Variants in SDK1 observed in about 807,000 individuals in gnomAD.
SDK1 encodes protein sidekick-1.
A neutral mutation model predicts 245.5 loss-of-function variants in SDK1; 157 were observed. The ratio of observed to expected loss-of-function variants is 0.64; its 90% CI spans 0.56 to 0.73. The LOEUF (loss-of-function observed/expected upper bound fraction) is 0.73. SDK1 is among the 30% of genes least tolerant of loss of function. The probability of loss-of-function intolerance (pLI) is 0.00; values close to 1 mark genes in which losing one functional copy is unlikely to be tolerated. For missense variants in SDK1, 3,583 were observed against 3,002.3 expected (o/e 1.19, Z -4.52); for synonymous variants, 1,647 against 1,278.5 (o/e 1.29, Z -6.15).
chr7:3,658,478 A>G (rs1010569022), intron 4 of SDK1, among the ~76,000 whole-genome samples: 8 of 151,706 alleles, frequency 5.3e-5, no homozygotes, highest in African/African-American at 1.9e-4. Context: ...CATCTCATGT[A>G]GTCTTTAAGG....
intron 5 of SDK1, among the ~76,000 whole-genome samples, chr7:3,863,686 T>C (rs1056658349): frequency 1.3e-5 from 2 of 152,218 alleles, no homozygotes; most frequent in East Asian, 1.9e-4. Flanking sequence ...AATGATACAG[T>C]ATGAGTCCTT....
At chr7:3,522,626 T>A (rs1281886202) in intron 1 of SDK1, among the ~76,000 whole-genome samples, 1 of 152,124 alleles carries the variant, frequency 6.6e-6, no homozygotes, top group Non-Finnish European at 1.5e-5. Context: ...CCACCTGGGC[T>A]GACCTTTGAA....
intron 1 of SDK1, among the ~76,000 whole-genome samples, chr7:3,307,548 C>T (rs949240054): frequency 6.6e-6 from 1 of 152,078 alleles, no homozygotes; most frequent in African/African-American, 2.4e-5. Flanking sequence ...CTGTAGGGAA[C>T]CCTTGTTTAT....
chr7:3,557,405 G>C (rs928023078), intron 1 of SDK1, among the ~76,000 whole-genome samples: 1 of 152,152 alleles, frequency 6.6e-6, no homozygotes, highest in Non-Finnish European at 1.5e-5. Context: ...AATCTGAAGA[G>C]TCCTGTAACC....
intron 1 of SDK1, among the ~76,000 whole-genome samples, chr7:3,494,511 GAAAT>G (rs1205694281): frequency 3.3e-5 from 5 of 152,156 alleles, no homozygotes; most frequent in African/African-American, 4.8e-5. Flanking sequence ...CATTTTCTGA[GAAAT>G]AGATATGGGG....
At chr7:3,922,645 T>C (rs1435165801) in intron 5 of SDK1, among the ~76,000 whole-genome samples, 2 of 152,242 alleles carry the variant, frequency 1.3e-5, no homozygotes, top group African/African-American at 4.8e-5. Flanking sequence ...TTCATTTCTT[T>C]TCTTTAGATT....
chr7:4,187,121 G>A (rs185847151), intron 35 of SDK1, among the ~76,000 whole-genome samples: 2 of 152,298 alleles, frequency 1.3e-5, no homozygotes, highest in African/African-American at 2.4e-5. Flanking sequence ...GGGACTGTGA[G>A]AGAGGACAGG....
At chr7:4,210,896 T>A (rs1418284577) in intron 38 of SDK1, among the ~76,000 whole-genome samples, 1 of 152,066 alleles carries the variant, frequency 6.6e-6, no homozygotes, top group Non-Finnish European at 1.5e-5. Context: ...ACAAGAGGCT[T>A]AGGGAAGAGA....
intron 17 of SDK1, among the ~76,000 whole-genome samples, chr7:4,042,261 C>G (rs1417262262): frequency 7.3e-6 from 1 of 136,326 alleles, no homozygotes; most frequent in Non-Finnish European, 1.5e-5. Flanking sequence ...CATCCACTCC[C>G]AGAAATCCTC....
intron 1 of SDK1, among the ~76,000 whole-genome samples, chr7:3,556,192 A>G (rs1352444534): frequency 6.6e-6 from 1 of 151,068 alleles, no homozygotes; most frequent in Non-Finnish European, 1.5e-5. Context: ...ATGAATGGAT[A>G]AAGAAAATGT....
chr7:3,912,643 T>A (rs1355543832), intron 5 of SDK1, among the ~76,000 whole-genome samples: 1 of 152,200 alleles, frequency 6.6e-6, no homozygotes, highest in Non-Finnish European at 1.5e-5. Flanking sequence ...GGCACCCGCT[T>A]CTGGGCTCTC....
chr7:3,635,127 G>T (rs949183479), intron 2 of SDK1, among the ~76,000 whole-genome samples: 3 of 152,058 alleles, frequency 2.0e-5, no homozygotes, highest in African/African-American at 7.2e-5. Context: ...CATACTCCTG[G>T]TCTGGATTTG....
chr7:3,820,749 G>T (rs985984652), intron 4 of SDK1, among the ~76,000 whole-genome samples: 1 of 152,200 alleles, frequency 6.6e-6, no homozygotes, highest in Non-Finnish European at 1.5e-5. Context: ...CCTCAGTGGC[G>T]CAGAGAAAGG....
At chr7:3,401,008 G>A (rs1186213774) in intron 1 of SDK1, among the ~76,000 whole-genome samples, 1 of 152,140 alleles carries the variant, frequency 6.6e-6, no homozygotes, top group African/African-American at 2.4e-5. Context: ...GTGCCAGTTC[G>A]AGATGAGTAG....
At chr7:3,775,237 C>G (rs1780519059) in intron 4 of SDK1, among the ~76,000 whole-genome samples, 1 of 152,126 alleles carries the variant, frequency 6.6e-6, no homozygotes, top group African/African-American at 2.4e-5. Context: ...TCCTAATAGT[C>G]TTTCTTCACT....
chr7:3,870,310 G>T (rs1167948730), intron 5 of SDK1, among the ~76,000 whole-genome samples: 7 of 152,020 alleles, frequency 4.6e-5, no homozygotes, highest in Non-Finnish European at 1.0e-4. Context: ...CAGCGACTTG[G>T]CCCCTTTTAA....
intron 17 of SDK1, among the ~76,000 whole-genome samples, chr7:4,040,559 C>G (rs538972571): frequency 6.6e-6 from 1 of 152,050 alleles, no homozygotes; most frequent in Non-Finnish European, 1.5e-5. Context: ...GCAGAGGGGT[C>G]CGGAGTGGGT....
chr7:3,506,356 C>G (rs964483038), intron 1 of SDK1, among the ~76,000 whole-genome samples: 2 of 152,156 alleles, frequency 1.3e-5, no homozygotes, highest in Admixed American at 1.3e-4. Context: ...TCACTCTTAC[C>G]TATTCCCTGT....
chr7:4,023,476 T>A (rs1479724121), intron 17 of SDK1, among the ~76,000 whole-genome samples: 1 of 152,156 alleles, frequency 6.6e-6, no homozygotes, highest in East Asian at 1.9e-4. Flanking sequence ...CATATCAAAT[T>A]TCCATGATGA....
Sources: allele counts gnomAD v4.1 joint callset (sites outside exome capture counted in the v4.1 genomes callset), GRCh38; gene constraint gnomAD v4.1.1; transcripts MANE v1.5; gene names NCBI Gene and HGNC (gene_info 2026-07-23, HGNC 2026-07-21).